HERC4: variants seen among roughly 807,000 people sequenced by gnomAD.
HERC4 encodes the protein probable E3 ubiquitin-protein ligase HERC4.
A neutral mutation model predicts 124.3 loss-of-function variants in HERC4; 28 were observed. That is an observed-to-expected ratio of 0.23 (90% confidence interval 0.17 to 0.31). HERC4 has a LOEUF of 0.31. Ranked by LOEUF, HERC4 falls within the 10% of genes least tolerant of loss-of-function variation. HERC4 has a pLI of 1.00. For synonymous variants in HERC4, 407 were observed against 421.5 expected, an observed-to-expected ratio of 0.97 and a Z score of 0.42; for missense variants, 713 against 1,229.3, an observed-to-expected ratio of 0.58 and a Z score of 6.28.
At chr10:68,058,658 G>A (rs1297612328) in intron 3 of HERC4, among the ~76,000 whole-genome samples, 2 of 151,836 alleles carry the variant, frequency 1.3e-5, no homozygotes, top group Non-Finnish European at 2.9e-5. Flanking sequence ...GTGCAATCTC[G>A]GCTCACTGCA....
chr10:67,970,877 T>C (rs2035194723), intron 15 of HERC4, among the ~76,000 whole-genome samples: 1 of 151,420 alleles, frequency 6.6e-6, no homozygotes, highest in African/African-American at 2.4e-5. Flanking sequence ...AAAGATCATA[T>C]TAAGCACAAA....
intron 3 of HERC4, among the ~76,000 whole-genome samples, chr10:68,053,510 C>G (rs1018025905): frequency 1.1e-4 from 17 of 151,944 alleles, no homozygotes; most frequent in African/African-American, 3.9e-4. Context: ...CCCTATTTTG[C>G]CCAGGCTAGT....
intron 21 of HERC4, 92 bp downstream of exon 21, chr10:67,939,496 C>T: frequency 1.2e-6 from 1 of 801,344 alleles, no homozygotes. Flanking sequence ...TTTAAGAATT[C>T]CATCCATCAA....
intron 9 of HERC4, chr10:67,996,075 G>A: frequency 4.7e-6 from 2 of 428,282 alleles, no homozygotes; most frequent in Non-Finnish European, 9.3e-6. Flanking sequence ...GGAAGCCAAG[G>A]TAGGAGGATC....
At chr10:68,020,619 A>G (rs2038559166) in intron 8 of HERC4, among the ~76,000 whole-genome samples, 1 of 151,764 alleles carries the variant, frequency 6.6e-6, no homozygotes, top group Admixed American at 6.6e-5. Flanking sequence ...AATACAAAAA[A>G]TTAGCCGGGC....
chr10:68,032,048 G>A (rs916859294), intron 7 of HERC4, among the ~76,000 whole-genome samples: 1 of 152,108 alleles, frequency 6.6e-6, no homozygotes, highest in African/African-American at 2.4e-5. Flanking sequence ...CTCTGTGCCC[G>A]GACGTTAATG....
intron 19 of HERC4, among the ~76,000 whole-genome samples, chr10:67,946,387 ACACACACAC>A (rs1455607819): frequency 2.8e-5 from 4 of 141,332 alleles, no homozygotes; most frequent in East Asian, 2.0e-4. Flanking sequence ...ACACACACAC[ACACACACAC>A]AAGACCCAAT....
rs796464618 is a variant in HERC4 at position 67,930,267 on chromosome 10, C to T, written c.2838+2330G>A. On this transcript the variant is annotated intron_variant, in intron 23 of 24. Coordinates refer to ENST00000373700, the MANE Select transcript of HERC4 (RefSeq NM_015601.4). ...TCTTTAAAAATTAAGGCAAAACACACATACCATAAAGTTTGTATCTTAACC... is the reference window on the plus strand; with the variant it reads ...TCTTTAAAAATTAAGGCAAAACACATATACCATAAAGTTTGTATCTTAACC... 1.9e-4 allele frequency among the ~76,000 whole-genome samples: 29 copies of T among 152,226 alleles called. 1 individual carries two copies. The highest frequency in any genetic ancestry group is 7.0e-4 in the African/African-American group (29 of 41,540).
At chr10:68,041,488 A>G (rs1221405646) in intron 4 of HERC4, among the ~76,000 whole-genome samples, 1 of 152,202 alleles carries the variant, frequency 6.6e-6, no homozygotes, top group Non-Finnish European at 1.5e-5. Flanking sequence ...ATGAATAACA[A>G]GAAAATAAAT....
intron 1 of HERC4, 171 bp from the exon 2 acceptor site, chr10:68,073,857 A>G (rs753314665): frequency 2.0e-5 from 3 of 152,114 alleles, no homozygotes; most frequent in Non-Finnish European, 4.4e-5. Context: ...TAACATTCCA[A>G]CCTCACTAAT....
intron 4 of HERC4, chr10:68,039,652 C>T: frequency 1.5e-6 from 2 of 1,353,094 alleles, no homozygotes; most frequent in Non-Finnish European, 1.9e-6. Context: ...GGATCCAATG[C>T]ACCTTCAAAT....
rs1358057601 is a variant in HERC4 at position 67,991,016 on chromosome 10, C to T, written c.1332-1G>A. 7.1e-7 allele frequency: 1 copy of T among 1,417,758 alleles called. No individual in the cohort carries two copies. 87.8% of individuals were successfully genotyped at this position (1,417,758 alleles called of 1,614,324 possible). A position where few individuals can be genotyped will look rare whatever the true frequency, so the allele number is the denominator to read the frequency against. Reference sequence around the variant, plus strand: ...ACCTGTTCTATAGTGATCATCATTGCTAAAAAACAGAAAAGAAAAAAAAAA... The same window carrying T: ...ACCTGTTCTATAGTGATCATCATTGTTAAAAAACAGAAAAGAAAAAAAAAA... On this transcript the variant is annotated splice_acceptor_variant, in intron 12 of 24. Transcript: ENST00000373700. LOFTEE classifies it high-confidence loss of function.
intron 9 of HERC4, chr10:67,992,943 A>G (rs1382961977): frequency 1.2e-5 from 3 of 259,380 alleles, no homozygotes; most frequent in Non-Finnish European, 2.2e-5. Context: ...CAAGAAAAAA[A>G]GCTTTTTCTA....
At chr10:68,043,618 C>G (rs553571732) in intron 4 of HERC4, among the ~76,000 whole-genome samples, 2 of 152,154 alleles carry the variant, frequency 1.3e-5, no homozygotes, top group African/African-American at 4.8e-5. Flanking sequence ...AGTTCGAGAC[C>G]AGCCTGGCCA....
chr10:67,976,115 TA>T (rs1434904471), intron 15 of HERC4, among the ~76,000 whole-genome samples: 1 of 152,096 alleles, frequency 6.6e-6, no homozygotes, highest in Non-Finnish European at 1.5e-5. Context: ...GAGAGTTGAC[TA>T]GTTGCAACAA....
chr10:67,978,447 C>T (rs1177248183), intron 15 of HERC4, among the ~76,000 whole-genome samples: 2 of 152,216 alleles, frequency 1.3e-5, no homozygotes, highest in Admixed American at 6.5e-5. Flanking sequence ...AGCTCAGCTG[C>T]AGTACAACAG....
At chr10:68,004,058 A>T (rs1403260412) in intron 9 of HERC4, among the ~76,000 whole-genome samples, 1 of 152,172 alleles carries the variant, frequency 6.6e-6, no homozygotes, top group Non-Finnish European at 1.5e-5. Context: ...AGAGTGAGAT[A>T]ATACCTCATT....
At chr10:67,993,871 A>G (rs2036699176) in intron 9 of HERC4, 1 of 152,136 alleles carries the variant, frequency 6.6e-6, no homozygotes, top group Non-Finnish European at 1.5e-5. Flanking sequence ...TCCTATTCCC[A>G]TTCCTTAGTT....
At chr10:68,038,640 AT>A (rs2039600551) in intron 4 of HERC4, among the ~76,000 whole-genome samples, 1 of 152,184 alleles carries the variant, frequency 6.6e-6, no homozygotes, top group Admixed American at 6.5e-5. Context: ...GGATTCTTGT[AT>A]GTTCTACCAA....
Sources: gnomAD v4.1 joint callset for allele counts (sites outside exome capture counted in the v4.1 genomes callset) on GRCh38, gnomAD v4.1.1 for gene constraint, MANE v1.5 for transcripts, NCBI Gene and HGNC (gene_info 2026-07-23, HGNC 2026-07-21) for gene names.